Variants in RASSF5 observed in about 807,000 individuals in gnomAD.
RASSF5 encodes Ras association domain family member 5.
RASSF5 carries 25 observed loss-of-function variants against 40.5 expected under a neutral mutation model. The observed-to-expected ratio is 0.62, with a 90% CI of 0.45 to 0.86. RASSF5 has a LOEUF of 0.86. Among genes scored for constraint, RASSF5 ranks in the 40% least tolerant of loss-of-function variants. The pLI is 0.00. For missense variants in RASSF5, 521 were observed against 572.8 expected, an observed-to-expected ratio of 0.91 and a Z score of 0.92; for synonymous variants, 246 against 252.4, an observed-to-expected ratio of 0.97 and a Z score of 0.24.
chr1:206,538,049 CACTTCTCT>C, intron 1 of RASSF5, 115 bp from the exon 2 acceptor site: 1 of 1,372,522 alleles, frequency 7.3e-7, no homozygotes, highest in South Asian at 1.3e-5. Flanking sequence ...CCCGCCCCAC[CACTTCTCT>C]CCTGCACTGC....
Position 206,584,802 on chromosome 1 carries a change from TC to T in RASSF5, c.988+120del. The stretch of plus-strand genomic sequence containing the variant: ...GTGGGCTTCTCCTGAGCACCAGGGG[TC>T]CAGCTGCCCATGTGGTGTTCAGATC... On this transcript the variant is annotated intron_variant, in intron 4 of 5. Transcript: ENST00000579436. This position sits in a 1 kb window ranked among gnomAD's most constrained non-coding sequence, Gnocchi z 4.9. 9.4e-7 allele frequency: 1 copy of T among 1,060,116 alleles called. No individual in the cohort carries two copies. The highest frequency in any genetic ancestry group is 1.4e-6 in the Non-Finnish European group (1 of 722,158). The allele number at this position is 1,060,116 out of a possible 1,614,324, so 65.7% of individuals were successfully genotyped here.
chr1:206,516,010 T>C (rs951603248), intron 1 of RASSF5, among the ~76,000 whole-genome samples: 3 of 152,206 alleles, frequency 2.0e-5, no homozygotes, highest in Non-Finnish European at 2.9e-5. Flanking sequence ...ACCCTAGTGA[T>C]GAGTGTTTTT....
intron 2 of RASSF5, chr1:206,543,242 C>G (rs1181548541): frequency 8.0e-6 from 1 of 124,678 alleles, no homozygotes. Flanking sequence ...AAAAAATCCA[C>G]GCACTGTTCT....
chr1:206,523,622 TATATA>T (rs1553396500), intron 1 of RASSF5, among the ~76,000 whole-genome samples: 1 of 101,892 alleles, frequency 9.8e-6, no homozygotes, highest in African/African-American at 3.9e-5. Context: ...ATATATAAAA[TATATA>T]AAATATATTA....
chr1:206,525,281 C>T (rs1667071272), intron 1 of RASSF5, among the ~76,000 whole-genome samples: 1 of 152,174 alleles, frequency 6.6e-6, no homozygotes, highest in Non-Finnish European at 1.5e-5. Context: ...CCAGGGCGCC[C>T]AACTTCTGCC....
intron 1 of RASSF5, among the ~76,000 whole-genome samples, chr1:206,514,525 C>T (rs1666700926): frequency 6.6e-6 from 1 of 152,200 alleles, no homozygotes. Context: ...GGCCTATGTG[C>T]CACCTTCTGC....
chr1:206,570,438 A>T (rs1221285100), intron 2 of RASSF5, among the ~76,000 whole-genome samples: 2 of 152,096 alleles, frequency 1.3e-5, no homozygotes, highest in Non-Finnish European at 1.5e-5. Context: ...CGTTAAGTAT[A>T]ACCTCACATT....
chr1:206,507,850 T>C lies in RASSF5; in HGVS notation c.248T>C (p.Leu83Pro). 2 of 1,458,990 alleles carry C rather than the reference T, an allele frequency of 1.4e-6. No homozygotes were observed. The highest frequency in any genetic ancestry group is 2.6e-5 in the Admixed American group (1 of 38,826). 90.4% of individuals were successfully genotyped at this position (1,458,990 alleles called of 1,614,324 possible). ...CGGGCCTCCCGACCCGCTCGCCCGC[T>C]CCGGCCTGGTCTGCAGCAGAGACTG... ...PPRASRPARP[L>P]RPGLQQRLRR... The change falls in exon 1 of 6, where the codon CTC becomes CCC. Residue 83 changes from leucine to proline, a missense_variant. By Grantham distance (98) the Leu-to-Pro change is moderately conservative (BLOSUM62 -3). Coordinates refer to ENST00000579436, the MANE Select transcript of RASSF5 (RefSeq NM_182663.4).
intron 5 of RASSF5, 174 bp from the exon 6 acceptor site, chr1:206,586,652 A>G (rs7537981): frequency 9.8e-6 from 6 of 615,244 alleles, no homozygotes; most frequent in Non-Finnish European, 1.7e-5. Context: ...TGTTGCTGCT[A>G]TGACAGGCAT....
intron 2 of RASSF5, among the ~76,000 whole-genome samples, chr1:206,540,654 C>T (rs1319338568): frequency 6.6e-6 from 1 of 152,236 alleles, no homozygotes; most frequent in Non-Finnish European, 1.5e-5. Context: ...GCTCCAGGCC[C>T]ACTTGCCTCT....
In RASSF5 at chr1:206,524,233, T is replaced by C. The variant is rs544901768; in HGVS notation, c.458-13939T>C. Among the ~76,000 whole-genome samples the C allele has an allele frequency of 3.4e-4, 47 of 139,352 alleles. 1 individual carries two copies. In the South Asian group the frequency reaches 9.8e-3, roughly 29 times the overall value. The allele number at this position is 139,352 out of a possible 152,430, so 91.4% of individuals were successfully genotyped here. A position where few individuals can be genotyped will look rare whatever the true frequency, so the allele number is the denominator to read the frequency against. On this transcript the variant is annotated intron_variant, in intron 1 of 5. Transcript: ENST00000579436. ...TACTTTATATATAATATAGATACCATATGTAATACATTTTATATATATTAT... is the reference window on the plus strand; with the variant it reads ...TACTTTATATATAATATAGATACCACATGTAATACATTTTATATATATTAT...
At position 206,507,751 on chromosome 1, in the gene RASSF5, T is replaced by A. The variant is rs1553393999; in HGVS notation, c.149T>A (p.Leu50His). The change falls in exon 1 of 6, where the codon CTC (leucine) becomes CAC (histidine). Residue 50 changes from leucine to histidine, a missense_variant. This residue lies in a region of RASSF5 where 237 missense variants were observed against 212.0 expected (regional missense o/e 1.12). Coordinates refer to ENST00000579436, the MANE Select transcript of RASSF5 (RefSeq NM_182663.4). Reference protein sequence around the residue: ...RSSRLCVPAPLSTAPGAREGR... With the variant: ...RSSRLCVPAPHSTAPGAREGR... ...TCGCGCCTCTGTGTCCCGGCGCCCC[T>A]CTCCACTGCGCCCGGGGCGCGCGAG... is the stretch of plus-strand genomic sequence containing the variant. The A allele has an allele frequency of 3.4e-6, 5 of 1,450,830 alleles. No homozygotes were observed. In the South Asian group the frequency reaches 6.7e-5, roughly 20 times the overall value. 89.9% of individuals were successfully genotyped at this position (1,450,830 alleles called of 1,614,324 possible).
chr1:206,586,816 C>T lies in RASSF5; in HGVS notation c.1105-10C>T, dbSNP rs41303293. On this transcript the variant is annotated splice_polypyrimidine_tract_variant and intron_variant, in intron 5 of 5. Transcript: ENST00000579436. ...TGTTTCTTCCCACAAATCTCCCTCT[C>T]GCCTCACAGTGGGATGCCTTCTCCA... 4.5e-3 allele frequency: 7,256 copies of T among 1,609,488 alleles called. 50 individuals carry two copies. The highest frequency in any genetic ancestry group is 0.024 in the Admixed American group (1,461 of 59,870).
intron 2 of RASSF5, among the ~76,000 whole-genome samples, chr1:206,553,181 G>A (rs1246737388): frequency 2.0e-5 from 3 of 152,112 alleles, no homozygotes; most frequent in African/African-American, 7.2e-5. Context: ...CAGCCTGGGT[G>A]ACAGAGAAAG....
At position 206,529,221 on chromosome 1, in the gene RASSF5, A is replaced by G. The variant is rs1553397622; in HGVS notation, c.458-8951A>G. 5 of 1,389,026 alleles carry G rather than the reference A, an allele frequency of 3.6e-6. No individual in the cohort carries two copies. In the East Asian group the frequency reaches 9.1e-5, roughly 25 times the overall value. The allele number at this position is 1,389,026 out of a possible 1,614,324, so 86.0% of individuals were successfully genotyped here. A position where few individuals can be genotyped will look rare whatever the true frequency, so the allele number is the denominator to read the frequency against. ...GCTGGCCCACAAGTACAGACCAGAA[A>G]CAAAGCAAGAGAAGAAGCAGAGGCC... On this transcript the variant is annotated intron_variant, in intron 1 of 5. Transcript: ENST00000579436.
chr1:206,546,233 C>G (rs551387658), intron 2 of RASSF5, among the ~76,000 whole-genome samples: 20 of 150,420 alleles, frequency 1.3e-4, no homozygotes, highest in Non-Finnish European at 1.5e-5. Context: ...TTCAGCCTCT[C>G]GAGGAACTGG....
At chr1:206,561,711 G>C (rs1668150038) in intron 2 of RASSF5, among the ~76,000 whole-genome samples, 1 of 145,798 alleles carries the variant, frequency 6.9e-6, no homozygotes, top group Non-Finnish European at 1.5e-5. Flanking sequence ...TGTTGCCCAG[G>C]CTGGAGTACA....
chr1:206,535,122 G>A lies in RASSF5; in HGVS notation c.458-3050G>A, dbSNP rs1553398462. 1.3e-5 allele frequency among the ~76,000 whole-genome samples: 2 copies of A among 152,206 alleles called. No homozygotes were observed. Among genetic ancestry groups the A allele is most frequent in the Admixed American group, 6.5e-5 (1 of 15,286 alleles). ...TACCAGCTACTCAGGAGACTGAGGT[G>A]AGCCCGGGAGGTGGAGTTTGCAGAG... is the stretch of plus-strand genomic sequence containing the variant. On this transcript the variant is annotated intron_variant, in intron 1 of 5. Coordinates refer to ENST00000579436, the MANE Select transcript of RASSF5 (RefSeq NM_182663.4). The surrounding 1 kb of genome is among the most constrained non-coding windows in gnomAD (Gnocchi z 5.0).
At chr1:206,524,194 T>C (rs1185651014) in intron 1 of RASSF5, among the ~76,000 whole-genome samples, 1 of 137,134 alleles carries the variant, frequency 7.3e-6, no homozygotes, top group Non-Finnish European at 1.5e-5. Context: ...ATAATATAGA[T>C]ACCATATGTA....
Sources: allele counts gnomAD v4.1 joint callset (sites outside exome capture counted in the v4.1 genomes callset), GRCh38; gene constraint gnomAD v4.1.1; regional missense constraint gnomAD v4.1.1; non-coding constraint Gnocchi (gnomAD v3.1); transcripts MANE v1.5; gene names NCBI Gene and HGNC (gene_info 2026-07-23, HGNC 2026-07-21).